TANGO6: variants seen among roughly 807,000 people sequenced by gnomAD.
TANGO6 encodes transport and Golgi organization protein 6 homolog.
A neutral mutation model predicts 114.2 loss-of-function variants in TANGO6; 90 were observed. That is an observed-to-expected ratio of 0.79 (90% CI 0.66 to 0.94). The LOEUF (loss-of-function observed/expected upper bound fraction) is 0.94, where lower values mean the gene tolerates loss of function less well. TANGO6 is among the 40% of genes least tolerant of loss of function. TANGO6 has a pLI of 0.00. For synonymous variants in TANGO6, 477 were observed against 509.8 expected, an observed-to-expected ratio of 0.94 and a Z score of 0.87; for missense variants, 1,274 against 1,315.3, an observed-to-expected ratio of 0.97 and a Z score of 0.49.
At chr16:69,076,217 G>A (rs979872286) in intron 17 of TANGO6, among the ~76,000 whole-genome samples, 1 of 141,940 alleles carries the variant, frequency 7.0e-6, no homozygotes, top group East Asian at 2.1e-4. Flanking sequence ...TCAGCCTTCC[G>A]AGTAGCTGGA....
chr16:69,069,851 C>T (rs961974396), intron 17 of TANGO6, among the ~76,000 whole-genome samples: 3 of 151,986 alleles, frequency 2.0e-5, no homozygotes, highest in Non-Finnish European at 2.9e-5. Flanking sequence ...GATCTTGGAT[C>T]TCGCGCAAGA....
At chr16:69,015,372 C>G (rs1959275909) in intron 15 of TANGO6, among the ~76,000 whole-genome samples, 1 of 152,132 alleles carries the variant, frequency 6.6e-6, no homozygotes, top group Admixed American at 6.5e-5. Context: ...AATGCAGGGT[C>G]TGAGATGCTG....
At chr16:68,854,890 T>C (rs1416049796) in intron 1 of TANGO6, among the ~76,000 whole-genome samples, 8 of 152,130 alleles carry the variant, frequency 5.3e-5, no homozygotes, top group East Asian at 3.8e-4. Flanking sequence ...CTGGGTCTTA[T>C]AGGTTTCTAT....
intron 13 of TANGO6, among the ~76,000 whole-genome samples, chr16:68,928,537 T>G (rs1272583106): frequency 6.6e-6 from 1 of 152,008 alleles, no homozygotes; most frequent in Non-Finnish European, 1.5e-5. Context: ...CCTGACCTCG[T>G]GATCCACCTG....
chr16:68,894,170 G>A (rs1027426175), intron 7 of TANGO6, among the ~76,000 whole-genome samples: 3 of 152,202 alleles, frequency 2.0e-5, no homozygotes, highest in Non-Finnish European at 4.4e-5. Context: ...TCGAAATGCA[G>A]CATTGGCTGA....
At chr16:69,015,851 T>C (rs1346168373) in intron 15 of TANGO6, among the ~76,000 whole-genome samples, 1 of 152,194 alleles carries the variant, frequency 6.6e-6, no homozygotes, top group Non-Finnish European at 1.5e-5. Flanking sequence ...GAACGTTAAG[T>C]TGCAGTTTTG....
At chr16:68,845,915 T>C (rs2152147758) in intron 1 of TANGO6, among the ~76,000 whole-genome samples, 1 of 151,658 alleles carries the variant, frequency 6.6e-6, no homozygotes, top group African/African-American at 2.4e-5. Flanking sequence ...TGCAGTGGCA[T>C]GATCTTGACA....
In TANGO6 at chr16:69,076,015, G is replaced by A. The variant is rs543341784; in HGVS notation, c.3109-7470G>A. ...CCTGACCTCGTGATCTTCCCACCTC[G>A]CCCTCCCAAAGTGTTGGGATTACAG... On this transcript the variant is annotated intron_variant, in intron 17 of 17. Transcript: ENST00000261778. Among the ~76,000 whole-genome samples, 8 of 145,732 alleles carry A rather than the reference G, an allele frequency of 5.5e-5. No individual in the cohort carries two copies. The East Asian group carries it at 8.4e-4, about 15-fold the overall frequency.
intron 7 of TANGO6, 21 bp downstream of exon 7, chr16:68,880,651 A>G (rs1962447044): frequency 6.6e-7 from 1 of 1,513,878 alleles, no homozygotes; most frequent in Non-Finnish European, 8.8e-7. Flanking sequence ...TGAGTCACTA[A>G]TGTTTTTATT....
chr16:69,077,603 T>A (rs1960399958), intron 17 of TANGO6, among the ~76,000 whole-genome samples: 1 of 151,982 alleles, frequency 6.6e-6, no homozygotes, highest in African/African-American at 2.4e-5. Flanking sequence ...CTGAGATGGG[T>A]GGATCACTTC....
chr16:68,896,692 A>G (rs536384255), intron 7 of TANGO6, among the ~76,000 whole-genome samples: 2 of 152,180 alleles, frequency 1.3e-5, no homozygotes, highest in African/African-American at 4.8e-5. Flanking sequence ...GAAATTTACT[A>G]TTAGTGTTGG....
chr16:69,056,057 A>G (rs976268611), intron 17 of TANGO6, among the ~76,000 whole-genome samples: 1 of 152,116 alleles, frequency 6.6e-6, no homozygotes, highest in African/African-American at 2.4e-5. Context: ...AAAGAAAAAG[A>G]AAAAAGAAAA....
chr16:69,042,050 C>T (rs1324290070), intron 17 of TANGO6, among the ~76,000 whole-genome samples: 2 of 152,188 alleles, frequency 1.3e-5, no homozygotes, highest in African/African-American at 4.8e-5. Context: ...CAGAACCCCC[C>T]AGGAGAATTC....
chr16:68,902,500 A>C lies in TANGO6; in HGVS notation c.1663A>C (p.Ile555Leu), dbSNP rs745908855. The change falls in exon 9 of 18, where the codon ATT (isoleucine) becomes CTT (leucine). Residue 555 changes from isoleucine (I) to leucine (L), a missense_variant. This residue lies in a region of TANGO6 where 908 missense variants were observed against 910.2 expected (regional missense o/e 1.00). Coordinates refer to ENST00000261778, the MANE Select transcript of TANGO6 (RefSeq NM_024562.2). ...GGIMITIKEAISDEDEDEALY... is the reference protein window; with the variant it reads ...GGIMITIKEALSDEDEDEALY... ...CATTATGATTACCATCAAAGAGGCC[A>C]TTAGGTGAGTCCACCCATCCGTTAC... 4 of 1,609,244 alleles carry C rather than the reference A, an allele frequency of 2.5e-6. No homozygotes were observed. Among genetic ancestry groups the C allele is most frequent in the Admixed American group, 3.4e-5 (2 of 58,986 alleles).
intron 14 of TANGO6, among the ~76,000 whole-genome samples, chr16:68,952,504 A>C (rs1963480472): frequency 1.3e-5 from 2 of 152,236 alleles, no homozygotes; most frequent in Non-Finnish European, 2.9e-5. Flanking sequence ...AGCTGTTCAC[A>C]CACTTAGTAA....
intron 1 of TANGO6, among the ~76,000 whole-genome samples, chr16:68,850,778 A>G (rs1961889824): frequency 6.6e-6 from 1 of 152,220 alleles, no homozygotes; most frequent in South Asian, 2.1e-4. Context: ...CTTATTCATG[A>G]AAACAGTTGG....
intron 11 of TANGO6, 188 bp downstream of exon 11, chr16:68,909,590 C>A: frequency 2.3e-6 from 1 of 436,430 alleles, no homozygotes; most frequent in Non-Finnish European, 3.8e-6. Context: ...TGTCCTGAGA[C>A]TCCACACGTT....
Position 68,909,288 on chromosome 16 carries a change from A to T in TANGO6, c.1878A>T (p.Leu626Phe). ...EPFSSKSLLE[L>F]EQHQTLLVEG... The stretch of plus-strand genomic sequence containing the variant: ...TCTCCAGCAAGAGCCTCTTGGAATT[A>T]GAGCAACATCAGACTCTTCTTGTGG... Residue 626 changes from leucine (L) to phenylalanine (F), a missense_variant, in exon 11 of 18, where the codon TTA (leucine) becomes TTT (phenylalanine). Coordinates refer to ENST00000261778, the MANE Select transcript of TANGO6 (RefSeq NM_024562.2). 6.2e-7 allele frequency: 1 copy of T among 1,611,492 alleles called. No homozygotes were observed. The highest frequency in any genetic ancestry group is 8.5e-7 in the Non-Finnish European group (1 of 1,178,678).
At chr16:68,870,444 A>C (rs1285942239) in intron 4 of TANGO6, among the ~76,000 whole-genome samples, 1 of 152,144 alleles carries the variant, frequency 6.6e-6, no homozygotes, top group Non-Finnish European at 1.5e-5. Flanking sequence ...CCAATGAAAT[A>C]ACAAATGATC....
Sources: gnomAD v4.1 joint callset for allele counts (sites outside exome capture counted in the v4.1 genomes callset) on GRCh38, gnomAD v4.1.1 for gene constraint, gnomAD v4.1.1 regional missense constraint, MANE v1.5 for transcripts, NCBI Gene and HGNC (gene_info 2026-07-23, HGNC 2026-07-21) for gene names.